The following DNAH11 variants were observed in gnomAD, a reference collection of about 807,000 sequenced individuals.
DNAH11 encodes dynein axonemal heavy chain 11.
A neutral mutation model predicts 526.0 loss-of-function variants in DNAH11; 442 were observed. The observed-to-expected ratio is 0.84, with a 90% CI of 0.78 to 0.91. DNAH11 has a LOEUF of 0.91. Ranked by LOEUF, DNAH11 falls within the 40% of genes least tolerant of loss-of-function variation. DNAH11 has a pLI of 0.00. For synonymous variants in DNAH11, 2,461 were observed against 1,935.9 expected (o/e 1.27, Z -7.12); for missense variants, 6,989 against 5,448.7 (o/e 1.28, Z -8.90).
At chr7:21,874,391 A>G (rs569074638) in intron 74 of DNAH11, among the ~76,000 whole-genome samples, 1 of 151,746 alleles carries the variant, frequency 6.6e-6, no homozygotes, top group African/African-American at 2.4e-5. Context: ...GCTGGAGTGC[A>G]ATGACATGAT....
intron 46 of DNAH11, among the ~76,000 whole-genome samples, chr7:21,737,433 G>A (rs1248052133): frequency 6.6e-6 from 1 of 152,198 alleles, no homozygotes; most frequent in African/African-American, 2.4e-5. Context: ...TATAGAGAAT[G>A]CTGAGATGCA....
chr7:21,630,247 A>G (rs930686567), intron 25 of DNAH11, among the ~76,000 whole-genome samples: 2 of 151,788 alleles, frequency 1.3e-5, no homozygotes, highest in South Asian at 4.1e-4. Context: ...AGTTGTCTCA[A>G]TTTGTATATT....
At chr7:21,694,851 G>A (rs761074350) in intron 35 of DNAH11, among the ~76,000 whole-genome samples, 1 of 152,040 alleles carries the variant, frequency 6.6e-6, no homozygotes. Context: ...CCACGTTCTC[G>A]CCAGCATCTG....
At chr7:21,646,732 C>A (rs1174574738) in intron 28 of DNAH11, among the ~76,000 whole-genome samples, 1 of 152,162 alleles carries the variant, frequency 6.6e-6, no homozygotes, top group East Asian at 1.9e-4. Context: ...CTGACAGGGT[C>A]TTTCCTGGTA....
intron 55 of DNAH11, among the ~76,000 whole-genome samples, chr7:21,772,220 C>A (rs969240932): frequency 6.6e-6 from 1 of 152,146 alleles, no homozygotes; most frequent in Non-Finnish European, 1.5e-5. Context: ...TCAGCTCTAC[C>A]GGAAACCACT....
rs576144560 is a variant in DNAH11, at chr7:21,852,314, G to T, written c.10897-153G>T. On this transcript the variant is annotated intron_variant, in intron 66 of 81. Transcript: ENST00000409508. ...CTCAGCTACTCGGGAGGCTGAGGCA[G>T]GAGAATCGCTTTAACCCAGGAGGCA... Among the ~76,000 whole-genome samples, 182 of 151,024 alleles carry T rather than the reference G, an allele frequency of 1.2e-3. 1 individual carries two copies. The highest frequency in any genetic ancestry group is 4.3e-3 in the African/African-American group (176 of 41,044).
chr7:21,727,694 A>G lies in DNAH11; in HGVS notation c.7440+1710A>G, dbSNP rs566186195. Among the ~76,000 whole-genome samples, 14 of 152,322 alleles carry G rather than the reference A, an allele frequency of 9.2e-5. No individual in the cohort carries two copies. In the South Asian group the frequency reaches 2.3e-3, roughly 25 times the overall value. ...TTTGGGAGTGCTGTATGAGTGGCAT[A>G]TAGGTGATTTCTGTGGCATTTATTA... On this transcript the variant is annotated intron_variant, in intron 45 of 81. Coordinates refer to ENST00000409508, the MANE Select transcript of DNAH11 (RefSeq NM_001277115.2).
rs572858879 is a variant in DNAH11, at chr7:21,785,767, T to G, written c.9598-857T>G. 2.0e-5 allele frequency among the ~76,000 whole-genome samples: 3 copies of G among 152,328 alleles called. No individual in the cohort carries two copies. The South Asian group carries it at 6.2e-4, about 32-fold the overall frequency. On this transcript the variant is annotated intron_variant, in intron 58 of 81. Transcript: ENST00000409508. ...CTTACTAGCATATTTTAAGACTTTG[T>G]TTTTGTTCTTGCTTTCACTCTGTTT...
At chr7:21,852,101 T>G (rs12700313) in intron 66 of DNAH11, among the ~76,000 whole-genome samples, 93,637 of 151,606 alleles carry the variant, frequency 0.62, 30,502 homozygotes, top group Non-Finnish European at 0.74. Flanking sequence ...TTAAGGAAAC[T>G]CTGGTTTAAA....
intron 25 of DNAH11, among the ~76,000 whole-genome samples, chr7:21,634,029 G>A (rs1163411308): frequency 2.0e-5 from 3 of 152,118 alleles, no homozygotes; most frequent in Non-Finnish European, 2.9e-5. Context: ...AAATTATAGT[G>A]TTAACATCTC....
At chr7:21,814,367 T>A (rs1789678594) in intron 63 of DNAH11, among the ~76,000 whole-genome samples, 1 of 151,548 alleles carries the variant, frequency 6.6e-6, no homozygotes, top group Non-Finnish European at 1.5e-5. Flanking sequence ...TTTATTTTTT[T>A]ATTTTTATTT....
intron 69 of DNAH11, among the ~76,000 whole-genome samples, chr7:21,863,082 AAAAG>A (rs1175858344): frequency 6.6e-6 from 1 of 151,042 alleles, no homozygotes; most frequent in African/African-American, 2.4e-5. Context: ...AAAAAAAAGA[AAAAG>A]AAAAGAAAAA....
intron 63 of DNAH11, among the ~76,000 whole-genome samples, chr7:21,815,862 C>T (rs73071998): frequency 0.017 from 2,621 of 152,166 alleles, 30 homozygotes; most frequent in Non-Finnish European, 0.026. Flanking sequence ...GCCCCTCCCT[C>T]CTCGATTGCC....
intron 68 of DNAH11, among the ~76,000 whole-genome samples, chr7:21,858,535 T>C (rs1782939722): frequency 6.6e-6 from 1 of 152,064 alleles, no homozygotes; most frequent in Admixed American, 6.6e-5. Flanking sequence ...ACTCAAAACA[T>C]AAAGGTATGA....
At chr7:21,676,721 G>C in intron 30 of DNAH11, among the ~76,000 whole-genome samples, 1 of 152,154 alleles carries the variant, frequency 6.6e-6, no homozygotes, top group Non-Finnish European at 1.5e-5. Flanking sequence ...AATTATACAT[G>C]TTCTTATAAG....
intron 45 of DNAH11, among the ~76,000 whole-genome samples, chr7:21,727,634 A>G (rs1017013308): frequency 6.6e-6 from 1 of 152,132 alleles, no homozygotes; most frequent in African/African-American, 2.4e-5. Context: ...CTTCCTCAAA[A>G]TCATGTCATT....
chr7:21,673,401 A>G (rs115697937), intron 30 of DNAH11, among the ~76,000 whole-genome samples: 1,688 of 152,314 alleles, frequency 0.011, 40 homozygotes, highest in African/African-American at 0.038. Context: ...CACAGTACAC[A>G]TGTACCCATA....
Position 21,543,071 on chromosome 7 carries a change from C to A in DNAH11, c.-175C>A. On this transcript the variant is annotated 5_prime_UTR_variant, in exon 1 of 82. Transcript: ENST00000409508. ...GCCTTCGCTTCGGCCTGCGAGGCTACAGCTGTGCGCAGTGGCGCGGCTGCT... is the reference window on the plus strand; with the variant it reads ...GCCTTCGCTTCGGCCTGCGAGGCTAAAGCTGTGCGCAGTGGCGCGGCTGCT... 7.4e-7 allele frequency: 1 copy of A among 1,348,812 alleles called. No individual in the cohort carries two copies. The highest frequency in any genetic ancestry group is 9.6e-7 in the Non-Finnish European group (1 of 1,039,350). The allele number at this position is 1,348,812 out of a possible 1,614,324, so 83.6% of individuals were successfully genotyped here.
chr7:21,856,152 C>T (rs1172351738), intron 68 of DNAH11, among the ~76,000 whole-genome samples: 3 of 152,078 alleles, frequency 2.0e-5, no homozygotes, highest in African/African-American at 4.8e-5. Flanking sequence ...GACTGAATCA[C>T]GCAGAGTTTT....
Sources: allele counts gnomAD v4.1 joint callset (sites outside exome capture counted in the v4.1 genomes callset), GRCh38; gene constraint gnomAD v4.1.1; transcripts MANE v1.5; gene names NCBI Gene and HGNC (gene_info 2026-07-23, HGNC 2026-07-21).